Variants in MCUB observed in about 807,000 individuals in gnomAD.
MCUB encodes the protein calcium uniporter regulatory subunit MCUb, mitochondrial.
A neutral mutation model predicts 41.4 loss-of-function variants in MCUB; 46 were observed. The ratio of observed to expected loss-of-function variants is 1.11; its 90% CI spans 0.88 to 1.42. The LOEUF is 1.42. Among genes scored for constraint, MCUB ranks in the 40% most tolerant of loss-of-function variants. The pLI is 0.00. For missense variants in MCUB, 403 were observed against 404.9 expected (o/e 1.00, Z 0.04); for synonymous variants, 148 against 148.2 (o/e 1.00, Z 0.01).
intron 4 of MCUB, among the ~76,000 whole-genome samples, chr4:109,679,185 C>T (rs1045487091): frequency 6.6e-5 from 10 of 152,134 alleles, no homozygotes; most frequent in Non-Finnish European, 1.3e-4. Context: ...GGCAGAGGCA[C>T]TCCTCACATC....
At chr4:109,601,395 T>A (rs1727731625) in intron 1 of MCUB, among the ~76,000 whole-genome samples, 1 of 152,154 alleles carries the variant, frequency 6.6e-6, no homozygotes, top group East Asian at 1.9e-4. Context: ...TCCCTACCCC[T>A]GTTACCCCTC....
intron 1 of MCUB, among the ~76,000 whole-genome samples, chr4:109,625,560 T>C (rs977098742): frequency 2.0e-5 from 3 of 152,240 alleles, no homozygotes; most frequent in Middle Eastern, 3.2e-3. Context: ...GGCTAATCTT[T>C]GAAGTTTATT....
chr4:109,621,354 T>C (rs1728247198), intron 1 of MCUB, among the ~76,000 whole-genome samples: 1 of 152,342 alleles, frequency 6.6e-6, no homozygotes, highest in South Asian at 2.1e-4. Flanking sequence ...TAGTTGATTC[T>C]ATAACTGTTA....
At chr4:109,658,989 A>C in intron 1 of MCUB, 22 bp from the exon 2 acceptor site, 1 of 1,374,410 alleles carries the variant, frequency 7.3e-7, no homozygotes, top group Non-Finnish European at 1.0e-6. Context: ...TAAAAAAACA[A>C]ATTAATTTTT....
At chr4:109,570,791 G>A (rs374761331) in intron 1 of MCUB, among the ~76,000 whole-genome samples, 1 of 152,202 alleles carries the variant, frequency 6.6e-6, no homozygotes, top group East Asian at 1.9e-4. Flanking sequence ...CGAAGTCATG[G>A]TTATTGTACA....
chr4:109,676,354 CA>C (rs1338594176), intron 4 of MCUB, among the ~76,000 whole-genome samples: 2 of 152,048 alleles, frequency 1.3e-5, no homozygotes, highest in Admixed American at 1.3e-4. Flanking sequence ...GTGTGGCCAA[CA>C]TAGTGAAACC....
intron 1 of MCUB, among the ~76,000 whole-genome samples, chr4:109,608,996 T>G (rs1727942199): frequency 6.6e-6 from 1 of 152,182 alleles, no homozygotes; most frequent in Non-Finnish European, 1.5e-5. Flanking sequence ...TTGGATAAAC[T>G]CCAGAATTCT....
At chr4:109,643,853 G>C (rs977926733) in intron 1 of MCUB, among the ~76,000 whole-genome samples, 1 of 152,182 alleles carries the variant, frequency 6.6e-6, no homozygotes, top group Non-Finnish European at 1.5e-5. Flanking sequence ...GTAGTACATT[G>C]CTACGGCAGC....
In MCUB at chr4:109,586,777, T is replaced by G. The variant is rs1219178420; in HGVS notation, c.99+26341T>G. On this transcript the variant is annotated intron_variant, in intron 1 of 7. Transcript: ENST00000394650. Reference sequence around the variant, plus strand: ...CAGACCCTGTTTGCCTGGGTATCACTAGCAGAGGCTGCAGAACAGCAAATA... The same window carrying G: ...CAGACCCTGTTTGCCTGGGTATCACGAGCAGAGGCTGCAGAACAGCAAATA... 2.0e-5 allele frequency among the ~76,000 whole-genome samples: 3 copies of G among 152,154 alleles called. No homozygotes were observed. The East Asian group carries it at 5.8e-4, about 29-fold the overall frequency.
intron 1 of MCUB, among the ~76,000 whole-genome samples, chr4:109,633,316 G>A (rs972080138): frequency 6.6e-6 from 1 of 151,618 alleles, no homozygotes; most frequent in Non-Finnish European, 1.5e-5. Context: ...CGCCCGGGCT[G>A]GAGTGCAGTG....
chr4:109,657,218 C>CAAA (rs56707630), intron 1 of MCUB, among the ~76,000 whole-genome samples: 4 of 111,400 alleles, frequency 3.6e-5, no homozygotes, highest in African/African-American at 6.8e-5. Context: ...TATTCCATCT[C>CAAA]AAAAAAAAAA....
chr4:109,632,828 T>C (rs1728504313), intron 1 of MCUB, among the ~76,000 whole-genome samples: 1 of 152,162 alleles, frequency 6.6e-6, no homozygotes, highest in South Asian at 2.1e-4. Flanking sequence ...TTGGCCAGGC[T>C]GATCTCGAAC....
At chr4:109,568,244 T>C (rs1726828028) in intron 1 of MCUB, among the ~76,000 whole-genome samples, 1 of 152,224 alleles carries the variant, frequency 6.6e-6, no homozygotes, top group African/African-American at 2.4e-5. Context: ...TTTTCACTTT[T>C]CAAGAGAAAA....
intron 1 of MCUB, among the ~76,000 whole-genome samples, chr4:109,598,013 C>T (rs184480579): frequency 0.025 from 3,697 of 150,542 alleles, 118 homozygotes; most frequent in South Asian, 0.071. Flanking sequence ...CGGGCAGAGA[C>T]GCTCTTCACT....
In MCUB at chr4:109,682,785, A is replaced by G. The variant is rs571674933; in HGVS notation, c.612+43A>G. The G allele has an allele frequency of 6.1e-6, 9 of 1,485,052 alleles. No individual in the cohort carries two copies. In the African/African-American group the frequency reaches 1.3e-4, roughly 21 times the overall value. The allele number at this position is 1,485,052 out of a possible 1,614,324, so 92.0% of individuals were successfully genotyped here. On this transcript the variant is annotated intron_variant, in intron 5 of 7. Transcript: ENST00000394650. Reference sequence around the variant, plus strand: ...TTGAGTATATTTGAAAATAATACCTAGTGTTTATTGAGTGCTCCTCATGTG... The same window carrying G: ...TTGAGTATATTTGAAAATAATACCTGGTGTTTATTGAGTGCTCCTCATGTG...
At chr4:109,591,777 C>G (rs768336482) in intron 1 of MCUB, among the ~76,000 whole-genome samples, 8 of 151,972 alleles carry the variant, frequency 5.3e-5, no homozygotes, top group Non-Finnish European at 1.0e-4. Context: ...CAGCTCACTG[C>G]AACCCCCACC....
intron 1 of MCUB, among the ~76,000 whole-genome samples, chr4:109,586,565 C>G (rs946213250): frequency 2.6e-5 from 4 of 152,138 alleles, no homozygotes; most frequent in African/African-American, 9.7e-5. Context: ...CTTTTCTGCT[C>G]TGGTTTCTCC....
In MCUB at chr4:109,560,351, G is replaced by C. The variant is rs901740989; in HGVS notation, c.14G>C (p.Gly5Ala). The C allele has an allele frequency of 1.4e-5, 18 of 1,311,660 alleles. No individual in the cohort carries two copies. The highest frequency in any genetic ancestry group is 1.7e-5 in the Non-Finnish European group (18 of 1,030,662). 81.3% of individuals were successfully genotyped at this position (1,311,660 alleles called of 1,614,324 possible). The change falls in exon 1 of 8, where the codon GGC (glycine) becomes GCC (alanine). Residue 5 changes from glycine (G) to alanine (A), a missense_variant. Coordinates refer to ENST00000394650, the MANE Select transcript of MCUB (RefSeq NM_017918.5). MLQR[G>A]LWPWRTRLLP... is the part of the protein sequence containing the mutation. The stretch of plus-strand genomic sequence containing the variant: ...TGGGGCGGGAGGATGCTCCAGAGGG[G>C]CCTCTGGCCGTGGCGCACGCGGCTG...
Position 109,567,428 on chromosome 4 carries a change from GTTTTC to G in MCUB, c.99+6997_99+7001del, listed in dbSNP as rs577334219. Among the ~76,000 whole-genome samples the G allele has an allele frequency of 6.6e-5, 10 of 151,966 alleles. No individual in the cohort carries two copies. The East Asian group carries it at 2.0e-3, about 30-fold the overall frequency. On this transcript the variant is annotated intron_variant, in intron 1 of 7. Transcript: ENST00000394650. Reference sequence around the variant, plus strand: ...TACATGTTATGTACAAACATAGTATGTTTTCTTTTGTTAAACATTTTGTTTGTTTT... The same window carrying G: ...TACATGTTATGTACAAACATAGTATGTTTTGTTAAACATTTTGTTTGTTTT...
Sources: allele counts gnomAD v4.1 joint callset (sites outside exome capture counted in the v4.1 genomes callset), GRCh38; gene constraint gnomAD v4.1.1; transcripts MANE v1.5; gene names NCBI Gene and HGNC (gene_info 2026-07-23, HGNC 2026-07-21).